KCND2: variants seen among roughly 807,000 people sequenced by gnomAD.
KCND2 encodes potassium voltage-gated channel subfamily D member 2.
Under a neutral mutation model 54.4 loss-of-function variants are expected in KCND2, and 16 were observed. The observed-to-expected ratio is 0.29, with a 90% CI of 0.20 to 0.45. The LOEUF (loss-of-function observed/expected upper bound fraction) is 0.45. Ranked by LOEUF, KCND2 falls within the 20% of genes least tolerant of loss-of-function variation. The pLI, the probability that KCND2 is intolerant of heterozygous loss-of-function variation, is 1.00. For missense variants in KCND2, 486 were observed against 824.2 expected (o/e 0.59, Z 5.02); for synonymous variants, 317 against 310.7 (o/e 1.02, Z -0.21).
intron 1 of KCND2, among the ~76,000 whole-genome samples, chr7:120,506,817 A>AT (rs896281307): frequency 2.0e-5 from 3 of 151,754 alleles, no homozygotes; most frequent in Admixed American, 6.6e-5. Context: ...TGTAGACAGA[A>AT]TTTTTTTCAC....
At chr7:120,711,146 T>C (rs1792532215) in intron 1 of KCND2, among the ~76,000 whole-genome samples, 1 of 152,050 alleles carries the variant, frequency 6.6e-6, no homozygotes. Context: ...TGTTACATAA[T>C]ATAAACATGA....
intron 1 of KCND2, among the ~76,000 whole-genome samples, chr7:120,480,739 C>T (rs1026680002): frequency 6.6e-6 from 1 of 152,168 alleles, no homozygotes; most frequent in African/African-American, 2.4e-5. Context: ...ACTTCTCAGC[C>T]TCCAGAACTG....
chr7:120,708,928 G>T (rs548563977), intron 1 of KCND2, among the ~76,000 whole-genome samples: 39 of 152,182 alleles, frequency 2.6e-4, no homozygotes, highest in African/African-American at 8.7e-4. Context: ...TATATACACA[G>T]ATTGGTTAAA....
At chr7:120,595,146 A>G (rs1792721671) in intron 1 of KCND2, among the ~76,000 whole-genome samples, 1 of 151,988 alleles carries the variant, frequency 6.6e-6, no homozygotes, top group Admixed American at 6.6e-5. Context: ...CATCCATCTC[A>G]GTTCTACTAA....
At chr7:120,377,144 A>G (rs1325606341) in intron 1 of KCND2, among the ~76,000 whole-genome samples, 1 of 151,992 alleles carries the variant, frequency 6.6e-6, no homozygotes, top group Non-Finnish European at 1.5e-5. Flanking sequence ...CGTATCTTGT[A>G]TAAAAGTTAA....
intron 1 of KCND2, among the ~76,000 whole-genome samples, chr7:120,466,748 T>C (rs183505899): frequency 3.2e-4 from 49 of 152,302 alleles, no homozygotes; most frequent in Admixed American, 9.2e-4. Context: ...AAATTTCCTC[T>C]GTTACAATTC....
At chr7:120,455,241 AG>A (rs1196768641) in intron 1 of KCND2, among the ~76,000 whole-genome samples, 2 of 152,140 alleles carry the variant, frequency 1.3e-5, no homozygotes, top group African/African-American at 4.8e-5. Flanking sequence ...TAATTCTAAG[AG>A]AAAAGAACAA....
chr7:120,642,288 G>A (rs533104069), intron 1 of KCND2, among the ~76,000 whole-genome samples: 7 of 151,490 alleles, frequency 4.6e-5, no homozygotes, highest in East Asian at 3.9e-4. Context: ...GGTGGCTCAC[G>A]CCTGTAATTC....
intron 2 of KCND2, among the ~76,000 whole-genome samples, chr7:120,740,136 C>T (rs1194695496): frequency 3.3e-5 from 5 of 151,878 alleles, no homozygotes; most frequent in East Asian, 1.9e-4. Flanking sequence ...TGTGTATATA[C>T]ATGTGAATAT....
At chr7:120,667,581 T>C (rs1320432051) in intron 1 of KCND2, among the ~76,000 whole-genome samples, 1 of 152,060 alleles carries the variant, frequency 6.6e-6, no homozygotes, top group Non-Finnish European at 1.5e-5. Context: ...GTGAGATTAA[T>C]GAGCCCCCAG....
chr7:120,490,619 A>G (rs1170589494), intron 1 of KCND2, among the ~76,000 whole-genome samples: 1 of 152,158 alleles, frequency 6.6e-6, no homozygotes, highest in African/African-American at 2.4e-5. Context: ...GCAGACCACA[A>G]GTTAAGCAGC....
intron 1 of KCND2, among the ~76,000 whole-genome samples, chr7:120,303,491 C>T (rs1799612708): frequency 6.6e-6 from 1 of 152,152 alleles, no homozygotes; most frequent in Non-Finnish European, 1.5e-5. Flanking sequence ...CCTAAAGTAT[C>T]ATCTTAAATC....
intron 1 of KCND2, among the ~76,000 whole-genome samples, chr7:120,532,673 A>C (rs1470684274): frequency 6.6e-6 from 1 of 152,032 alleles, no homozygotes; most frequent in Non-Finnish European, 1.5e-5. Context: ...GATACCAAAA[A>C]ACCATTAAAA....
At chr7:120,383,269 T>C (rs1216223620) in intron 1 of KCND2, among the ~76,000 whole-genome samples, 3 of 152,012 alleles carry the variant, frequency 2.0e-5, no homozygotes, top group Admixed American at 6.6e-5. Flanking sequence ...TATCCACTTC[T>C]GTATCAGCCA....
intron 1 of KCND2, among the ~76,000 whole-genome samples, chr7:120,604,184 C>CT (rs1792849167): frequency 6.6e-6 from 1 of 152,006 alleles, no homozygotes; most frequent in African/African-American, 2.4e-5. Context: ...GAAGTCCTAC[C>CT]TTTTTGGCCT....
chr7:120,498,378 G>T (rs562394857), intron 1 of KCND2, among the ~76,000 whole-genome samples: 3 of 134,820 alleles, frequency 2.2e-5, no homozygotes, highest in African/African-American at 1.0e-4. Context: ...TACTCAGGAT[G>T]CTGAGGCAGG....
At chr7:120,437,083 T>A (rs965985609) in intron 1 of KCND2, among the ~76,000 whole-genome samples, 1 of 152,178 alleles carries the variant, frequency 6.6e-6, no homozygotes, top group African/African-American at 2.4e-5. Context: ...AAAAACAACT[T>A]CTTTACTAAC....
At chr7:120,450,890 T>C (rs1374118069) in intron 1 of KCND2, among the ~76,000 whole-genome samples, 2 of 152,170 alleles carry the variant, frequency 1.3e-5, no homozygotes, top group Non-Finnish European at 2.9e-5. Flanking sequence ...GGTGGAGCGA[T>C]TACTTATTGA....
At chr7:120,335,994 A>G (rs1321372059) in intron 1 of KCND2, among the ~76,000 whole-genome samples, 1 of 152,206 alleles carries the variant, frequency 6.6e-6, no homozygotes, top group African/African-American at 2.4e-5. Flanking sequence ...ATAATATTGC[A>G]TAAGGAGTAA....
Sources: gnomAD v4.1 joint callset for allele counts (sites outside exome capture counted in the v4.1 genomes callset) on GRCh38, gnomAD v4.1.1 for gene constraint, MANE v1.5 for transcripts, NCBI Gene and HGNC (gene_info 2026-07-23, HGNC 2026-07-21) for gene names.